ADAMTS20: variants seen among roughly 807,000 people sequenced by gnomAD.
The protein encoded by ADAMTS20 is A disintegrin and metalloproteinase with thrombospondin motifs 20.
A neutral mutation model predicts 260.1 loss-of-function variants in ADAMTS20; 225 were observed. The observed-to-expected ratio is 0.87, with a 90% CI of 0.78 to 0.97. The LOEUF is 0.97. ADAMTS20 is among the 50% of genes least tolerant of loss of function. The pLI is 0.00. For missense variants in ADAMTS20, 2,400 were observed against 2,337.7 expected (o/e 1.03, Z -0.55); for synonymous variants, 802 against 769.5 (o/e 1.04, Z -0.70).
chr12:43,385,425 T>G (rs1464522654), intron 29 of ADAMTS20, among the ~76,000 whole-genome samples: 3 of 152,256 alleles, frequency 2.0e-5, no homozygotes, highest in Non-Finnish European at 2.9e-5. Flanking sequence ...GATAGTTTAT[T>G]TTGCTGTCCA....
At chr12:43,363,558 G>A (rs1939920825) in intron 37 of ADAMTS20, among the ~76,000 whole-genome samples, 2 of 152,308 alleles carry the variant, frequency 1.3e-5, no homozygotes, top group South Asian at 4.1e-4. Flanking sequence ...CACTGTCCCT[G>A]TCCCCAGATC....
At chr12:43,475,403 T>C (rs1434051658) in intron 7 of ADAMTS20, among the ~76,000 whole-genome samples, 2 of 140,264 alleles carry the variant, frequency 1.4e-5, no homozygotes. Flanking sequence ...ATCGTGAAAA[T>C]GGCCATACTG....
intron 16 of ADAMTS20, among the ~76,000 whole-genome samples, chr12:43,440,415 T>C (rs897703398): frequency 1.3e-5 from 2 of 152,176 alleles, no homozygotes; most frequent in East Asian, 1.9e-4. Flanking sequence ...TCTCAAGTGC[T>C]AGGATTACAG....
At chr12:43,432,068 G>T (rs1160652713) in intron 21 of ADAMTS20, among the ~76,000 whole-genome samples, 1 of 151,892 alleles carries the variant, frequency 6.6e-6, no homozygotes, top group Non-Finnish European at 1.5e-5. Flanking sequence ...GCTCAGGCTG[G>T]TCTTGAACAT....
intron 2 of ADAMTS20, among the ~76,000 whole-genome samples, chr12:43,537,145 C>T (rs1226654994): frequency 6.6e-6 from 1 of 152,078 alleles, no homozygotes; most frequent in Non-Finnish European, 1.5e-5. Flanking sequence ...TCTCAGCTCA[C>T]TGCAACCTCC....
chr12:43,434,439 T>G (rs994639513), intron 18 of ADAMTS20, 68 bp from the exon 19 acceptor site: 3 of 1,464,788 alleles, frequency 2.0e-6, no homozygotes, highest in Non-Finnish European at 2.7e-6. Flanking sequence ...CATAATTATG[T>G]AATTCTGCTA....
chr12:43,433,694 GCACACACAAACACA>G (rs1297248669), intron 19 of ADAMTS20: 1 of 309,938 alleles, frequency 3.2e-6, no homozygotes, highest in Non-Finnish European at 6.0e-6. Flanking sequence ...ACACACACAT[GCACACACAAACACA>G]CACACACACA....
intron 10 of ADAMTS20, 67 bp downstream of exon 10, chr12:43,464,524 T>G: frequency 6.5e-7 from 1 of 1,536,928 alleles, no homozygotes; most frequent in Non-Finnish European, 8.8e-7. Flanking sequence ...TAAACACATT[T>G]TGAAATATAT....
chr12:43,547,427 G>T (rs74679515), intron 2 of ADAMTS20, among the ~76,000 whole-genome samples: 3,650 of 152,244 alleles, frequency 0.024, 91 homozygotes, highest in East Asian at 0.11. Flanking sequence ...CCACTGGGGG[G>T]TTAAAATCCC....
intron 11 of ADAMTS20, among the ~76,000 whole-genome samples, chr12:43,460,685 C>T (rs750244819): frequency 2.0e-4 from 31 of 152,004 alleles, no homozygotes; most frequent in Non-Finnish European, 4.1e-4. Flanking sequence ...ATTCAAATAT[C>T]TATTGACAGG....
At chr12:43,433,711 C>A (rs1020073811) in intron 19 of ADAMTS20, 46 of 83,564 alleles carry the variant, frequency 5.5e-4, no homozygotes, top group Admixed American at 1.9e-3. Flanking sequence ...CAAACACACA[C>A]ACACACACAC....
intron 15 of ADAMTS20, among the ~76,000 whole-genome samples, 154 bp downstream of exon 15, chr12:43,446,441 T>G (rs1017859277): frequency 6.6e-6 from 1 of 152,176 alleles, no homozygotes; most frequent in African/African-American, 2.4e-5. Flanking sequence ...GTATTTAATT[T>G]TTTTATATTT....
chr12:43,530,100 A>G (rs1565583816), intron 3 of ADAMTS20, among the ~76,000 whole-genome samples: 1 of 152,322 alleles, frequency 6.6e-6, no homozygotes, highest in East Asian at 1.9e-4. Flanking sequence ...GATTAAAAGA[A>G]AATGAAATTA....
chr12:43,357,100 T>G, intron 37 of ADAMTS20, among the ~76,000 whole-genome samples: 1 of 152,208 alleles, frequency 6.6e-6, no homozygotes, highest in East Asian at 1.9e-4. Context: ...GATCTAATTC[T>G]TTCCAAGTGC....
chr12:43,445,984 C>A (rs1348834755), intron 15 of ADAMTS20, among the ~76,000 whole-genome samples: 1 of 152,000 alleles, frequency 6.6e-6, no homozygotes, highest in African/African-American at 2.4e-5. Context: ...AAATACTTTA[C>A]ATAGTCTCAT....
chr12:43,373,710 C>G (rs1378507443), intron 36 of ADAMTS20, among the ~76,000 whole-genome samples: 5 of 123,094 alleles, frequency 4.1e-5, no homozygotes, highest in Non-Finnish European at 8.0e-5. Context: ...GACGGAGTCT[C>G]GCTCTGTCGC....
chr12:43,408,934 G>C (rs1261472636), intron 28 of ADAMTS20, among the ~76,000 whole-genome samples: 2 of 152,124 alleles, frequency 1.3e-5, no homozygotes, highest in Non-Finnish European at 2.9e-5. Flanking sequence ...TACATCTCAA[G>C]GTGGTTGTGA....
intron 38 of ADAMTS20, 127 bp downstream of exon 38, chr12:43,356,339 TCCATTATATGTAATATAC>T (rs1939741642): frequency 4.0e-6 from 2 of 500,104 alleles, no homozygotes; most frequent in East Asian, 6.0e-5. Flanking sequence ...AATGTTGTGC[TCCATTATATGTAATATAC>T]CCATTATATG....
intron 29 of ADAMTS20, among the ~76,000 whole-genome samples, chr12:43,396,306 G>T (rs933060496): frequency 6.6e-6 from 1 of 152,092 alleles, no homozygotes; most frequent in Non-Finnish European, 1.5e-5. Context: ...TCCATTTGAG[G>T]CATCATGTAA....
Sources: allele counts gnomAD v4.1 joint callset (sites outside exome capture counted in the v4.1 genomes callset), GRCh38; gene constraint gnomAD v4.1.1; transcripts MANE v1.5; gene names NCBI Gene and HGNC (gene_info 2026-07-23, HGNC 2026-07-21).